CPNE4: variants seen among roughly 807,000 people sequenced by gnomAD.
The protein encoded by CPNE4 is copine 4, also known as copine-4.
In CPNE4, 25 loss-of-function variants were observed where a neutral mutation model predicts 67.9. The observed-to-expected ratio is 0.37, with a 90% confidence interval of 0.27 to 0.51. The LOEUF is 0.51. CPNE4 is among the 20% of genes least tolerant of loss of function. The pLI is 0.93. For synonymous variants in CPNE4, 242 were observed against 244.9 expected, an observed-to-expected ratio of 0.99 and a Z score of 0.11; for missense variants, 464 against 690.8, an observed-to-expected ratio of 0.67 and a Z score of 3.68.
intron 1 of CPNE4, among the ~76,000 whole-genome samples, chr3:131,958,108 A>T (rs1207604257): frequency 6.6e-6 from 1 of 152,250 alleles, no homozygotes; most frequent in Non-Finnish European, 1.5e-5. Context: ...AGTGTAATGT[A>T]ATAAGAAACA....
intron 6 of CPNE4, among the ~76,000 whole-genome samples, chr3:131,681,116 T>G (rs1432522320): frequency 6.6e-6 from 1 of 152,248 alleles, no homozygotes; most frequent in African/African-American, 2.4e-5. Context: ...CAAATTGTGC[T>G]GCTATAAACA....
intron 1 of CPNE4, among the ~76,000 whole-genome samples, chr3:131,967,127 T>A (rs2072373171): frequency 6.6e-6 from 1 of 152,144 alleles, no homozygotes; most frequent in Non-Finnish European, 1.5e-5. Flanking sequence ...AAAAACCACA[T>A]GATTATCTCA....
In CPNE4 at chr3:131,878,469, G is replaced by A. The variant is rs576035043; in HGVS notation, c.180+26795C>T. Among the ~76,000 whole-genome samples the A allele has an allele frequency of 2.6e-5, 4 of 152,306 alleles. No individual in the cohort carries two copies. In the South Asian group the frequency reaches 8.3e-4, roughly 32 times the overall value. On this transcript the variant is annotated intron_variant, in intron 2 of 15. Coordinates refer to ENST00000429747, the MANE Select transcript of CPNE4 (RefSeq NM_130808.3). ...AGAGTGGTTACTCCTGGCACAGAAT[G>A]AGGGGCAGTAAACAGAAGAGGCAAA... is the stretch of plus-strand genomic sequence containing the variant.
At chr3:131,792,636 C>CAT (rs1553772163) in intron 2 of CPNE4, among the ~76,000 whole-genome samples, 1 of 66,962 alleles carries the variant, frequency 1.5e-5, no homozygotes, top group Non-Finnish European at 3.0e-5. Flanking sequence ...TATATACACA[C>CAT]GTGTATATAT....
At chr3:131,543,638 TAAATA>T (rs2107632103) in intron 14 of CPNE4, among the ~76,000 whole-genome samples, 1 of 152,362 alleles carries the variant, frequency 6.6e-6, no homozygotes, top group South Asian at 2.1e-4. Flanking sequence ...TATGTTGGTT[TAAATA>T]AAATATATAA....
At position 131,991,029 on chromosome 3, in the gene CPNE4, C is replaced by G. The variant is rs2073163276; in HGVS notation, c.-2+43538G>C. On this transcript the variant is annotated intron_variant, in intron 1 of 15. Coordinates refer to ENST00000429747, the MANE Select transcript of CPNE4 (RefSeq NM_130808.3). ...CCCCTTCCACCGTGATTGTAAGTTT[C>G]CTGAGGCCTCCTTCCCCATGCCGAA... Among the ~76,000 whole-genome samples the G allele has an allele frequency of 1.5e-5, 2 of 136,498 alleles. 1 individual carries two copies. The highest frequency in any genetic ancestry group is 1.7e-4 in the Admixed American group (2 of 12,080). 89.5% of individuals were successfully genotyped at this position (136,498 alleles called of 152,430 possible). A position where few individuals can be genotyped will look rare whatever the true frequency, so the allele number is the denominator to read the frequency against.
chr3:131,824,788 A>C (rs1390578683), intron 2 of CPNE4, among the ~76,000 whole-genome samples: 3 of 152,074 alleles, frequency 2.0e-5, no homozygotes, highest in African/African-American at 4.8e-5. Flanking sequence ...TTGCTGCTGG[A>C]GTACCTTGGA....
intron 2 of CPNE4, among the ~76,000 whole-genome samples, chr3:131,885,221 G>T (rs1280563829): frequency 6.6e-6 from 1 of 152,148 alleles, no homozygotes; most frequent in Non-Finnish European, 1.5e-5. Flanking sequence ...TGGAACAAAA[G>T]TGACTCCTGT....
At chr3:131,721,540 C>A in intron 3 of CPNE4, among the ~76,000 whole-genome samples, 1 of 151,964 alleles carries the variant, frequency 6.6e-6, no homozygotes, top group Non-Finnish European at 1.5e-5. Flanking sequence ...GGACTATAGG[C>A]ACCTGCCACC....
intron 7 of CPNE4, among the ~76,000 whole-genome samples, chr3:131,648,503 T>C (rs1296536702): frequency 2.6e-5 from 4 of 152,270 alleles, no homozygotes; most frequent in African/African-American, 9.6e-5. Context: ...AGCATGGTGC[T>C]TCATAGACAG....
chr3:131,824,662 A>G (rs1030260774), intron 2 of CPNE4, among the ~76,000 whole-genome samples: 2 of 152,228 alleles, frequency 1.3e-5, no homozygotes, highest in Non-Finnish European at 1.5e-5. Flanking sequence ...AAATGAAAGC[A>G]GATTAAGCAT....
chr3:131,552,566 G>T (rs1028897603), intron 12 of CPNE4, 75 bp from the exon 13 acceptor site: 1 of 1,240,846 alleles, frequency 8.1e-7, no homozygotes. Flanking sequence ...AGGCACTGGG[G>T]TTTAGAGTTT....
In CPNE4 at chr3:131,974,699, T is replaced by A. The variant is rs1005514031; in HGVS notation, c.-2+59868A>T. ...TGTTTCTCTTGCCACCTCAGACTGT[T>A]CAAAAGGGATTAAAGAAAAAGAGAT... On this transcript the variant is annotated intron_variant, in intron 1 of 15. Transcript: ENST00000429747. 3.9e-5 allele frequency among the ~76,000 whole-genome samples: 6 copies of A among 152,218 alleles called. No individual in the cohort carries two copies. The South Asian group carries it at 1.0e-3, about 26-fold the overall frequency.
chr3:131,802,872 T>C (rs2084180839), intron 2 of CPNE4, among the ~76,000 whole-genome samples: 1 of 152,144 alleles, frequency 6.6e-6, no homozygotes, highest in Non-Finnish European at 1.5e-5. Context: ...AAAGCAAAGC[T>C]GAAAGTCACT....
intron 7 of CPNE4, among the ~76,000 whole-genome samples, chr3:131,639,570 T>A (rs1047595346): frequency 3.3e-5 from 5 of 152,058 alleles, no homozygotes; most frequent in Non-Finnish European, 7.4e-5. Flanking sequence ...CTGAATTCTA[T>A]CAGACATCCA....
intron 1 of CPNE4, among the ~76,000 whole-genome samples, chr3:131,962,499 C>A (rs1015579775): frequency 6.6e-6 from 1 of 152,186 alleles, no homozygotes; most frequent in African/African-American, 2.4e-5. Flanking sequence ...CAGCCATACA[C>A]AAAGAGCATA....
chr3:131,875,597 C>T (rs1334468705), intron 2 of CPNE4, among the ~76,000 whole-genome samples: 8 of 151,728 alleles, frequency 5.3e-5, no homozygotes, highest in South Asian at 2.1e-4. Flanking sequence ...AACCAAACAC[C>T]GCATGTTCTC....
intron 7 of CPNE4, among the ~76,000 whole-genome samples, chr3:131,658,312 C>T (rs534810569): frequency 1.3e-5 from 2 of 152,106 alleles, no homozygotes; most frequent in African/African-American, 2.4e-5. Context: ...CCATGCAGCA[C>T]GAGTGGCCTC....
At chr3:131,910,761 T>G (rs1263421496) in intron 1 of CPNE4, among the ~76,000 whole-genome samples, 1 of 152,166 alleles carries the variant, frequency 6.6e-6, no homozygotes, top group Non-Finnish European at 1.5e-5. Context: ...GAGGGAGGGA[T>G]GCACTTACTG....
Sources: allele counts gnomAD v4.1 joint callset (sites outside exome capture counted in the v4.1 genomes callset), GRCh38; gene constraint gnomAD v4.1.1; transcripts MANE v1.5; gene names NCBI Gene and HGNC (gene_info 2026-07-23, HGNC 2026-07-21).